The following CHST11 variants were observed in gnomAD, a reference collection of about 807,000 sequenced individuals.
CHST11 encodes the protein C4S-1.
In CHST11, 9 loss-of-function variants were observed where a neutral mutation model predicts 30.4. The ratio of observed to expected loss-of-function variants is 0.30; its 90% CI spans 0.18 to 0.52. CHST11 has a LOEUF of 0.52. Ranked by LOEUF, CHST11 falls within the 20% of genes least tolerant of loss-of-function variation. CHST11 has a pLI of 0.97. For missense variants in CHST11, 348 were observed against 460.6 expected (o/e 0.76, Z 2.24); for synonymous variants, 152 against 187.8 (o/e 0.81, Z 1.56).
chr12:104,466,755 T>A (rs1945657171), intron 1 of CHST11, among the ~76,000 whole-genome samples: 1 of 152,254 alleles, frequency 6.6e-6, no homozygotes, highest in Non-Finnish European at 1.5e-5. Flanking sequence ...TCCCTCAATA[T>A]ATTTTGTTTA....
intron 1 of CHST11, among the ~76,000 whole-genome samples, chr12:104,558,863 C>T (rs988637677): frequency 1.3e-5 from 2 of 151,864 alleles, no homozygotes; most frequent in South Asian, 2.1e-4. Flanking sequence ...TCTAAGTCCT[C>T]GGGCACCAGG....
intron 2 of CHST11, among the ~76,000 whole-genome samples, chr12:104,620,925 G>A (rs2039153259): frequency 6.6e-6 from 1 of 152,200 alleles, no homozygotes; most frequent in Admixed American, 6.5e-5. Flanking sequence ...AACCAGGGAG[G>A]AAGAAGTGAT....
chr12:104,694,967 T>C (rs562679419), intron 2 of CHST11, among the ~76,000 whole-genome samples: 1 of 152,288 alleles, frequency 6.6e-6, no homozygotes, highest in East Asian at 1.9e-4. Context: ...CACCGGACCC[T>C]TTGCTGGGTA....
At chr12:104,475,269 C>T (rs916766599) in intron 1 of CHST11, among the ~76,000 whole-genome samples, 1 of 151,930 alleles carries the variant, frequency 6.6e-6, no homozygotes, top group Non-Finnish European at 1.5e-5. Context: ...TTAGTTCCTG[C>T]CTACAAATAA....
rs199741884 is a variant in CHST11 at position 104,544,769 on chromosome 12, T to TCCCCCCCCCCC, written c.119-57131_119-57130insCCCCCCCCCCC. ...CAATGATGTGCCCTGGGGGTCACAGTCCCCCCACCCCGGAGATAATGGATT... is the reference window on the plus strand; with the variant it reads ...CAATGATGTGCCCTGGGGGTCACAGTCCCCCCCCCCCCCCCCCACCCCGGAGATAATGGATT... On this transcript the variant is annotated intron_variant, in intron 1 of 2. Transcript: ENST00000303694. Among the ~76,000 whole-genome samples, 41 of 51,402 alleles carry TCCCCCCCCCCC rather than the reference T, an allele frequency of 8.0e-4. 3 individuals are homozygous for TCCCCCCCCCCC. The highest frequency in any genetic ancestry group is 0.015 in the East Asian group (2 of 132). 33.7% of individuals were successfully genotyped at this position (51,402 alleles called of 152,430 possible).
At chr12:104,499,834 C>T (rs1423616577) in intron 1 of CHST11, among the ~76,000 whole-genome samples, 2 of 152,202 alleles carry the variant, frequency 1.3e-5, no homozygotes, top group East Asian at 3.8e-4. Flanking sequence ...CCCCTGTGGC[C>T]ATGGGACTGC....
intron 2 of CHST11, among the ~76,000 whole-genome samples, chr12:104,688,218 G>A (rs942820483): frequency 3.9e-5 from 6 of 152,188 alleles, no homozygotes; most frequent in African/African-American, 1.4e-4. Flanking sequence ...TTTAACTCTG[G>A]ATGAATAGCT....
chr12:104,649,867 A>C (rs2039474699), intron 2 of CHST11, among the ~76,000 whole-genome samples: 1 of 152,210 alleles, frequency 6.6e-6, no homozygotes, highest in South Asian at 2.1e-4. Context: ...TGGAGAGCTC[A>C]GTAAATTATT....
intron 2 of CHST11, among the ~76,000 whole-genome samples, chr12:104,714,743 G>T (rs1458769505): frequency 6.6e-6 from 1 of 152,142 alleles, no homozygotes; most frequent in African/African-American, 2.4e-5. Flanking sequence ...GCAGCGTGGG[G>T]TAGAGATAAA....
At chr12:104,616,176 G>GCCAT (rs1309811605) in intron 2 of CHST11, among the ~76,000 whole-genome samples, 1 of 152,184 alleles carries the variant, frequency 6.6e-6, no homozygotes, top group East Asian at 1.9e-4. Context: ...CGGATAATCT[G>GCCAT]CCATCATCTT....
At chr12:104,686,813 A>G (rs1255273713) in intron 2 of CHST11, among the ~76,000 whole-genome samples, 1 of 152,030 alleles carries the variant, frequency 6.6e-6, no homozygotes, top group Non-Finnish European at 1.5e-5. Context: ...ACGCCTGGCT[A>G]ATTTTTTTGT....
At chr12:104,618,475 T>C (rs534963629) in intron 2 of CHST11, among the ~76,000 whole-genome samples, 1 of 152,204 alleles carries the variant, frequency 6.6e-6, no homozygotes, top group East Asian at 1.9e-4. Context: ...GGTCAAGTAG[T>C]TCTCCTGCGT....
intron 2 of CHST11, among the ~76,000 whole-genome samples, chr12:104,614,819 GA>G (rs1450913360): frequency 1.3e-5 from 2 of 152,058 alleles, no homozygotes; most frequent in Non-Finnish European, 2.9e-5. Context: ...GCCAAGGTGA[GA>G]GGGGAGATGG....
At chr12:104,591,285 T>C (rs1214221455) in intron 1 of CHST11, among the ~76,000 whole-genome samples, 1 of 152,060 alleles carries the variant, frequency 6.6e-6, no homozygotes, top group Non-Finnish European at 1.5e-5. Flanking sequence ...TATGATCTGA[T>C]TTACGTTTCT....
At position 104,487,875 on chromosome 12, in the gene CHST11, G is replaced by A. The variant is rs531133761; in HGVS notation, c.118+30346G>A. On this transcript the variant is annotated intron_variant, in intron 1 of 2. Coordinates refer to ENST00000303694, the MANE Select transcript of CHST11 (RefSeq NM_018413.6). ...TTTTTCTCTATTTTTTTTTCACAAGGAGATACCACTTCGTACATCTATTAG... is the reference window on the plus strand; with the variant it reads ...TTTTTCTCTATTTTTTTTTCACAAGAAGATACCACTTCGTACATCTATTAG... 6.6e-5 allele frequency among the ~76,000 whole-genome samples: 10 copies of A among 151,536 alleles called. No individual in the cohort carries two copies. The South Asian group carries it at 1.3e-3, about 19-fold the overall frequency.
intron 1 of CHST11, among the ~76,000 whole-genome samples, chr12:104,476,365 T>G (rs1156736165): frequency 1.3e-5 from 2 of 151,506 alleles, no homozygotes; most frequent in Non-Finnish European, 2.9e-5. Flanking sequence ...GTAATATATG[T>G]GTGTATATAT....
At chr12:104,672,455 A>G (rs899595521) in intron 2 of CHST11, among the ~76,000 whole-genome samples, 4 of 152,242 alleles carry the variant, frequency 2.6e-5, no homozygotes, top group Admixed American at 2.6e-4. Context: ...AATACTGCAG[A>G]GAATGAAAAA....
At chr12:104,709,675 A>T (rs975053243) in intron 2 of CHST11, among the ~76,000 whole-genome samples, 4 of 152,128 alleles carry the variant, frequency 2.6e-5, no homozygotes, top group Non-Finnish European at 4.4e-5. Context: ...GTCGCAGGGC[A>T]CCCTGCGGTC....
chr12:104,493,426 C>T (rs1011964383), intron 1 of CHST11, among the ~76,000 whole-genome samples: 2 of 130,210 alleles, frequency 1.5e-5, no homozygotes, highest in Middle Eastern at 4.3e-3. Flanking sequence ...ACCTGTCATT[C>T]CCTTAACAGA....
Sources: allele counts gnomAD v4.1 joint callset (sites outside exome capture counted in the v4.1 genomes callset), GRCh38; gene constraint gnomAD v4.1.1; transcripts MANE v1.5; gene names NCBI Gene and HGNC (gene_info 2026-07-23, HGNC 2026-07-21).